Variants in CNTNAP2 observed in about 807,000 individuals in gnomAD.
CNTNAP2 encodes the protein contactin-associated protein-like 2.
A neutral mutation model predicts 155.2 loss-of-function variants in CNTNAP2; 98 were observed. That is an observed-to-expected ratio of 0.63 (90% CI 0.54 to 0.75). The LOEUF is 0.75. CNTNAP2 is among the 30% of genes least tolerant of loss of function. The probability of loss-of-function intolerance (pLI) is 0.00; values close to 1 mark genes in which losing one functional copy is unlikely to be tolerated. For synonymous variants in CNTNAP2, 651 were observed against 631.2 expected, an observed-to-expected ratio of 1.03 and a Z score of -0.47; for missense variants, 1,727 against 1,688.1, an observed-to-expected ratio of 1.02 and a Z score of -0.40.
intron 3 of CNTNAP2, among the ~76,000 whole-genome samples, chr7:147,019,641 T>C (rs1258301878): frequency 6.6e-6 from 1 of 152,098 alleles, no homozygotes; most frequent in Non-Finnish European, 1.5e-5. Context: ...CTTCTGCCTA[T>C]TGCATGTAAG....
Position 146,343,140 on chromosome 7 carries a change from T to G in CNTNAP2, c.97+226167T>G, listed in dbSNP as rs537787531. 2.2e-4 allele frequency among the ~76,000 whole-genome samples: 34 copies of G among 152,338 alleles called. 1 individual carries two copies. Among genetic ancestry groups the G allele is most frequent in the African/African-American group, 7.9e-4 (33 of 41,590 alleles). ...GGCTATATATCTTTCAATGTTAACT[T>G]TATTCTCTAATAGATTATTTCTTCT... is the stretch of plus-strand genomic sequence containing the variant. On this transcript the variant is annotated intron_variant, in intron 1 of 23. Coordinates refer to ENST00000361727, the MANE Select transcript of CNTNAP2 (RefSeq NM_014141.6).
intron 9 of CNTNAP2, among the ~76,000 whole-genome samples, chr7:147,379,053 T>C (rs1479938333): frequency 3.3e-5 from 5 of 151,974 alleles, no homozygotes; most frequent in Admixed American, 2.6e-4. Context: ...TTCCCTCACC[T>C]TTGCTCTGTA....
At position 146,429,815 on chromosome 7, in the gene CNTNAP2, T is replaced by C. The variant is rs534921612; in HGVS notation, c.97+312842T>C. 1.1e-3 allele frequency among the ~76,000 whole-genome samples: 165 copies of C among 152,232 alleles called. 3 individuals are homozygous for C. The South Asian group carries it at 0.033, about 30-fold the overall frequency. ...TCCTTGTTCTGGCTTACAAGGGAAA[T>C]GCTTCCAGCTTTTGCCCATTCTATA... On this transcript the variant is annotated intron_variant, in intron 1 of 23. Coordinates refer to ENST00000361727, the MANE Select transcript of CNTNAP2 (RefSeq NM_014141.6).
chr7:146,652,756 A>G (rs1799938629), intron 1 of CNTNAP2, among the ~76,000 whole-genome samples: 1 of 152,200 alleles, frequency 6.6e-6, no homozygotes, highest in Admixed American at 6.5e-5. Flanking sequence ...GTAGAATTAC[A>G]ATAAAGTAAA....
intron 13 of CNTNAP2, among the ~76,000 whole-genome samples, chr7:147,834,217 T>C (rs1227989465): frequency 1.3e-5 from 2 of 152,210 alleles, no homozygotes; most frequent in Non-Finnish European, 2.9e-5. Flanking sequence ...AATCAGACTT[T>C]GCACTGAACA....
chr7:148,394,474 T>C (rs1585338559), intron 22 of CNTNAP2, among the ~76,000 whole-genome samples: 1 of 152,188 alleles, frequency 6.6e-6, no homozygotes, highest in African/African-American at 2.4e-5. Context: ...TTTCCCAGAA[T>C]TTTCCTGTTC....
intron 1 of CNTNAP2, among the ~76,000 whole-genome samples, chr7:146,590,114 C>T (rs1475940860): frequency 6.6e-6 from 1 of 152,088 alleles, no homozygotes; most frequent in Non-Finnish European, 1.5e-5. Context: ...ACATTTTGTT[C>T]CCACCACATT....
At chr7:148,333,066 T>C (rs1798058391) in intron 21 of CNTNAP2, among the ~76,000 whole-genome samples, 1 of 152,056 alleles carries the variant, frequency 6.6e-6, no homozygotes. Context: ...ACAGCCCTGC[T>C]CCTCCAAACA....
At chr7:146,201,506 A>G (rs1798860050) in intron 1 of CNTNAP2, among the ~76,000 whole-genome samples, 1 of 152,154 alleles carries the variant, frequency 6.6e-6, no homozygotes. Context: ...CTTACCTTCC[A>G]CAAGTTTACT....
chr7:146,909,310 A>G (rs1796221679), intron 3 of CNTNAP2, among the ~76,000 whole-genome samples: 2 of 133,342 alleles, frequency 1.5e-5, no homozygotes, highest in African/African-American at 5.8e-5. Flanking sequence ...TTATGAGGCC[A>G]GCATCATTCT....
At chr7:146,483,293 A>ATATG (rs1478112607) in intron 1 of CNTNAP2, among the ~76,000 whole-genome samples, 1 of 59,230 alleles carries the variant, frequency 1.7e-5, no homozygotes, top group African/African-American at 1.2e-4. Context: ...ATATATATAT[A>ATATG]TATATATATA....
In CNTNAP2 at chr7:147,950,564, G is replaced by T. The variant is rs182939923; in HGVS notation, c.2256-27298G>T. On this transcript the variant is annotated intron_variant, in intron 14 of 23. Transcript: ENST00000361727. ...TCCAATAGGAAAATAGACAGCTTCT[G>T]GGTACCCCTGTGGAAGCTGCACAAA... 5.3e-4 allele frequency among the ~76,000 whole-genome samples: 80 copies of T among 152,148 alleles called. 1 individual carries two copies. Among genetic ancestry groups the T allele is most frequent in the African/African-American group, 1.8e-3 (76 of 41,514 alleles).
At position 148,207,410 on chromosome 7, in the gene CNTNAP2, G is replaced by A. The variant is rs117954752; in HGVS notation, c.3011-9878G>A. ...AGGGAGCCAGTCCAGACGATGAAGG[G>A]GACCAAGAGCGTTAGTCACTCTGGA... On this transcript the variant is annotated intron_variant, in intron 18 of 23. Transcript: ENST00000361727. Among the ~76,000 whole-genome samples, 26 of 152,318 alleles carry A rather than the reference G, an allele frequency of 1.7e-4. No individual in the cohort carries two copies. In the East Asian group the frequency reaches 5.0e-3, roughly 29 times the overall value.
chr7:148,329,704 A>T (rs950044574), intron 21 of CNTNAP2, among the ~76,000 whole-genome samples: 1 of 152,234 alleles, frequency 6.6e-6, no homozygotes, highest in African/African-American at 2.4e-5. Context: ...CAACAGTGAC[A>T]GTCAGTGCTG....
chr7:148,111,854 C>A (rs769014376), intron 15 of CNTNAP2, among the ~76,000 whole-genome samples: 2 of 152,140 alleles, frequency 1.3e-5, no homozygotes, highest in Non-Finnish European at 2.9e-5. Context: ...AAGTTAACCT[C>A]GAGTATCTCT....
At chr7:146,630,032 G>T (rs1799485069) in intron 1 of CNTNAP2, among the ~76,000 whole-genome samples, 1 of 151,834 alleles carries the variant, frequency 6.6e-6, no homozygotes, top group East Asian at 1.9e-4. Context: ...TGCAGAATGT[G>T]CAGCTTTGTT....
rs558995150 is a variant in CNTNAP2 at position 147,168,391 on chromosome 7, A to G, written c.1348+35882A>G. Among the ~76,000 whole-genome samples the G allele has an allele frequency of 3.2e-4, 48 of 152,114 alleles. No homozygotes were observed. The East Asian group carries it at 8.5e-3, about 27-fold the overall frequency. On this transcript the variant is annotated intron_variant, in intron 8 of 23. Transcript: ENST00000361727. ...AGATTTTCAAATGGAAGCAGTTGCT[A>G]TAGTAAATATGGATTTTCTCCTAAT...
At chr7:147,908,210 T>C (rs1326842156) in intron 14 of CNTNAP2, among the ~76,000 whole-genome samples, 2 of 152,212 alleles carry the variant, frequency 1.3e-5, no homozygotes, top group African/African-American at 2.4e-5. Flanking sequence ...ATGCAGATGT[T>C]ATGAAACAGG....
At chr7:148,233,654 G>C (rs1020982898) in intron 20 of CNTNAP2, among the ~76,000 whole-genome samples, 5 of 152,152 alleles carry the variant, frequency 3.3e-5, no homozygotes, top group African/African-American at 1.2e-4. Flanking sequence ...ACATGTATTG[G>C]TGCTTACTGT....
Sources: gnomAD v4.1 joint callset for allele counts (sites outside exome capture counted in the v4.1 genomes callset) on GRCh38, gnomAD v4.1.1 for gene constraint, MANE v1.5 for transcripts, NCBI Gene and HGNC (gene_info 2026-07-23, HGNC 2026-07-21) for gene names.